Variants in PDE9A observed in about 807,000 individuals in gnomAD.
PDE9A encodes the protein high affinity cGMP-specific 3',5'-cyclic phosphodiesterase 9A.
PDE9A carries 60 observed loss-of-function variants against 87.4 expected under a neutral mutation model. That is an observed-to-expected ratio of 0.69 (90% CI 0.56 to 0.85). The LOEUF is 0.85. Ranked by LOEUF, PDE9A falls within the 40% of genes least tolerant of loss-of-function variation. PDE9A has a pLI of 0.00. For missense variants in PDE9A, 665 were observed against 779.0 expected (o/e 0.85, Z 1.74); for synonymous variants, 272 against 279.4 (o/e 0.97, Z 0.27).
At chr21:42,678,899 C>T (rs570367335) in intron 1 of PDE9A, among the ~76,000 whole-genome samples, 3 of 152,354 alleles carry the variant, frequency 2.0e-5, no homozygotes, top group Admixed American at 6.5e-5. Flanking sequence ...CACTTCCCCT[C>T]GGCGTGTCTG....
chr21:42,719,660 AAG>A lies in PDE9A; in HGVS notation c.263-12108_263-12107del, dbSNP rs1284385555. ...GTCTCAAAAAAAAAAAAAAAAAAAA[AAG>A]AAATATTCCTTCGTTCTTTTATAGG... On this transcript the variant is annotated intron_variant, in intron 4 of 19. Coordinates refer to ENST00000291539, the MANE Select transcript of PDE9A (RefSeq NM_002606.3). Among the ~76,000 whole-genome samples the A allele has an allele frequency of 4.4e-5, 6 of 135,980 alleles. 1 individual carries two copies. The highest frequency in any genetic ancestry group is 2.4e-4 in the South Asian group (1 of 4,084). The allele number at this position is 135,980 out of a possible 152,430, so 89.2% of individuals were successfully genotyped here. A position where few individuals can be genotyped will look rare whatever the true frequency, so the allele number is the denominator to read the frequency against.
rs1209485527 is a variant in PDE9A, at chr21:42,768,312, A to G, written c.1461+20A>G. 1 of 1,427,984 alleles carries G rather than the reference A, an allele frequency of 7.0e-7. No individual in the cohort carries two copies. Among genetic ancestry groups the G allele is most frequent in the Non-Finnish European group, 9.9e-7 (1 of 1,011,868 alleles). The allele number at this position is 1,427,984 out of a possible 1,614,324, so 88.5% of individuals were successfully genotyped here. On this transcript the variant is annotated intron_variant, in intron 16 of 19. Transcript: ENST00000291539. ...ATGCAGGTAAGAGTCTTGCAGAGCA[A>G]TCAAGCCTCCAGCCACTCTTATTAG...
chr21:42,696,761 T>C lies in PDE9A; in HGVS notation c.219-2207T>C, dbSNP rs2060162551. On this transcript the variant is annotated intron_variant, in intron 3 of 19. Transcript: ENST00000291539. The surrounding 1 kb of genome is among the most constrained non-coding windows in gnomAD (Gnocchi z 5.1). ...CACCTGGCCTCTTCACGCCTTGGGC[T>C]CTGGGTCTGTAAGGCAGTGAGGCTG... Among the ~76,000 whole-genome samples, 1 of 152,144 alleles carries C rather than the reference T, an allele frequency of 6.6e-6. No individual in the cohort carries two copies. Among genetic ancestry groups the C allele is most frequent in the African/African-American group, 2.4e-5 (1 of 41,454 alleles).
chr21:42,670,083 A>G (rs1241173198), intron 1 of PDE9A, among the ~76,000 whole-genome samples: 1 of 149,244 alleles, frequency 6.7e-6, no homozygotes, highest in South Asian at 2.1e-4. Flanking sequence ...ACATACTTAC[A>G]CACATTCTCA....
At chr21:42,685,002 C>T (rs2059369919) in intron 1 of PDE9A, among the ~76,000 whole-genome samples, 1 of 151,514 alleles carries the variant, frequency 6.6e-6, no homozygotes, top group East Asian at 1.9e-4. Flanking sequence ...AAAAATGGTG[C>T]GCTGGGCACC....
intron 9 of PDE9A, among the ~76,000 whole-genome samples, chr21:42,752,674 A>G (rs2054562104): frequency 6.6e-6 from 1 of 152,266 alleles, no homozygotes; most frequent in African/African-American, 2.4e-5. Context: ...TAGATCCAAA[A>G]TAAAAGGTGT....
At chr21:42,658,122 C>T (rs1021780723) in intron 1 of PDE9A, among the ~76,000 whole-genome samples, 7 of 152,194 alleles carry the variant, frequency 4.6e-5, no homozygotes, top group African/African-American at 1.7e-4. Context: ...CCCAGGGCTC[C>T]GTGCCCTGGG....
At chr21:42,654,013 G>A (rs2056846818) in intron 1 of PDE9A, 130 bp downstream of exon 1, 2 of 492,968 alleles carry the variant, frequency 4.1e-6, no homozygotes, top group Admixed American at 8.8e-5. Flanking sequence ...CGCCAGCTCT[G>A]GTCGGGGGCG....
In PDE9A at chr21:42,667,082, C is replaced by CTGT. The variant is rs970072952; in HGVS notation, c.69+13201_69+13202insTTG. On this transcript the variant is annotated intron_variant, in intron 1 of 19. Transcript: ENST00000291539. ...TGCCCATTCACTCCCTGTACACAGA[C>CTGT]TGCTTCTTTGTCCTCCAGCCAGGGG... 3.9e-4 allele frequency among the ~76,000 whole-genome samples: 59 copies of CTGT among 151,702 alleles called. 1 individual carries two copies. Among genetic ancestry groups the CTGT allele is most frequent in the African/African-American group, 1.3e-3 (52 of 41,464 alleles).
chr21:42,657,726 G>A (rs1159404852), intron 1 of PDE9A, among the ~76,000 whole-genome samples: 3 of 152,250 alleles, frequency 2.0e-5, no homozygotes, highest in African/African-American at 7.2e-5. Context: ...GTGGGCTCGG[G>A]TGTGGTGAGG....
At chr21:42,736,716 CA>C (rs932938158) in intron 7 of PDE9A, among the ~76,000 whole-genome samples, 5 of 152,252 alleles carry the variant, frequency 3.3e-5, no homozygotes, top group Non-Finnish European at 5.9e-5. Context: ...TGGGTGAGGT[CA>C]GGGGGGACTC....
intron 4 of PDE9A, among the ~76,000 whole-genome samples, chr21:42,728,545 C>A (rs1465999191): frequency 6.6e-6 from 1 of 152,190 alleles, no homozygotes; most frequent in Admixed American, 6.5e-5. Context: ...GAATAAACCC[C>A]ACTAAATCTT....
intron 1 of PDE9A, among the ~76,000 whole-genome samples, chr21:42,664,593 T>C (rs2057833399): frequency 6.6e-6 from 1 of 150,958 alleles, no homozygotes; most frequent in Non-Finnish European, 1.5e-5. Context: ...ATTTCTTTTC[T>C]GGCAGGAAAT....
intron 4 of PDE9A, 163 bp downstream of exon 4, chr21:42,699,174 TCTGCATTTGAAGCCGATACAA>T: frequency 1.7e-6 from 1 of 587,016 alleles, no homozygotes; most frequent in South Asian, 2.3e-5. Flanking sequence ...AGCATTTGAA[TCTGCATTTGAAGCCGATACAA>T]CTGCAGAATC....
intron 4 of PDE9A, among the ~76,000 whole-genome samples, chr21:42,730,526 T>A (rs1475601578): frequency 6.6e-6 from 1 of 152,210 alleles, no homozygotes; most frequent in Non-Finnish European, 1.5e-5. Context: ...CAAACATTTT[T>A]AAATAAAATT....
rs1027361164 is a variant in PDE9A, at chr21:42,722,283, G to T, written c.263-9487G>T. On this transcript the variant is annotated intron_variant, in intron 4 of 19. Coordinates refer to ENST00000291539, the MANE Select transcript of PDE9A (RefSeq NM_002606.3). This position sits in a 1 kb window ranked among gnomAD's most constrained non-coding sequence, Gnocchi z 4.1. ...GAGCCACCATGCCCGTCCAGCAGAG[G>T]TATTTTTTCTAATACTTGAGAAGTG... 6.6e-6 allele frequency among the ~76,000 whole-genome samples: 1 copy of T among 152,152 alleles called. No individual in the cohort carries two copies. Among genetic ancestry groups the T allele is most frequent in the Admixed American group, 6.5e-5 (1 of 15,274 alleles).
At chr21:42,666,082 C>T (rs761149958) in intron 1 of PDE9A, among the ~76,000 whole-genome samples, 47 of 152,192 alleles carry the variant, frequency 3.1e-4, no homozygotes, top group Non-Finnish European at 6.6e-4. Context: ...TGTTCTTTAT[C>T]AAAGGGGAAA....
At chr21:42,762,901 C>T (rs1375844811) in intron 14 of PDE9A, among the ~76,000 whole-genome samples, 1 of 152,166 alleles carries the variant, frequency 6.6e-6, no homozygotes, top group East Asian at 1.9e-4. Flanking sequence ...TCATGTTGGC[C>T]AGGCTGGTCT....
chr21:42,715,357 T>C (rs2049802049), intron 4 of PDE9A, among the ~76,000 whole-genome samples: 1 of 152,162 alleles, frequency 6.6e-6, no homozygotes, highest in African/African-American at 2.4e-5. Context: ...CCGGGCGCAC[T>C]GGCTCACGCC....
Sources: gnomAD v4.1 joint callset for allele counts (sites outside exome capture counted in the v4.1 genomes callset) on GRCh38, gnomAD v4.1.1 for gene constraint, Gnocchi (gnomAD v3.1) non-coding constraint, MANE v1.5 for transcripts, NCBI Gene and HGNC (gene_info 2026-07-23, HGNC 2026-07-21) for gene names.